The following CNTNAP2 variants were observed in gnomAD, a reference collection of about 807,000 sequenced individuals.
The protein encoded by CNTNAP2 is contactin-associated protein-like 2.
A neutral mutation model predicts 155.2 loss-of-function variants in CNTNAP2; 98 were observed. That is an observed-to-expected ratio of 0.63 (90% CI 0.54 to 0.75). CNTNAP2 has a LOEUF of 0.75. Ranked by LOEUF, CNTNAP2 falls within the 30% of genes least tolerant of loss-of-function variation. The pLI, the probability that CNTNAP2 is intolerant of heterozygous loss-of-function variation, is 0.00. For synonymous variants in CNTNAP2, 651 were observed against 631.2 expected (o/e 1.03, Z -0.47); for missense variants, 1,727 against 1,688.1 (o/e 1.02, Z -0.40).
At chr7:148,175,858 C>A (rs1794925269) in intron 18 of CNTNAP2, among the ~76,000 whole-genome samples, 1 of 152,116 alleles carries the variant, frequency 6.6e-6, no homozygotes, top group Admixed American at 6.5e-5. Context: ...TCCTTATCAT[C>A]CTCCTCTTCT....
chr7:147,632,155 A>G (rs1467147393), intron 12 of CNTNAP2, among the ~76,000 whole-genome samples: 1 of 152,218 alleles, frequency 6.6e-6, no homozygotes, highest in African/African-American at 2.4e-5. Context: ...CCCATCAAAA[A>G]GTGGGAAAAG....
At chr7:146,374,853 CTAAG>C (rs912842651) in intron 1 of CNTNAP2, among the ~76,000 whole-genome samples, 11 of 152,080 alleles carry the variant, frequency 7.2e-5, no homozygotes, top group African/African-American at 2.4e-4. Flanking sequence ...GAATTTACAA[CTAAG>C]TAAGTGAATG....
At chr7:147,306,304 A>G (rs1795024905) in intron 9 of CNTNAP2, among the ~76,000 whole-genome samples, 1 of 152,230 alleles carries the variant, frequency 6.6e-6, no homozygotes, top group South Asian at 2.1e-4. Flanking sequence ...TCAAACACAT[A>G]CTTTGAGAAA....
chr7:146,960,176 A>G (rs1797527293), intron 3 of CNTNAP2, among the ~76,000 whole-genome samples: 1 of 152,196 alleles, frequency 6.6e-6, no homozygotes, highest in South Asian at 2.1e-4. Context: ...GGGGAAAAAA[A>G]TAAGTTTCTT....
chr7:147,436,072 T>C (rs1313725548), intron 10 of CNTNAP2, among the ~76,000 whole-genome samples: 2 of 152,176 alleles, frequency 1.3e-5, no homozygotes, highest in Non-Finnish European at 2.9e-5. Context: ...AGAGTAGTCA[T>C]GGGGCCCTCT....
intron 12 of CNTNAP2, chr7:147,638,786 T>C (rs1584872722): frequency 2.2e-6 from 1 of 461,662 alleles, no homozygotes. Flanking sequence ...AGTTGGGACA[T>C]AATGAGCCTG....
At chr7:148,166,430 G>T (rs1335911584) in intron 17 of CNTNAP2, among the ~76,000 whole-genome samples, 1 of 151,972 alleles carries the variant, frequency 6.6e-6, no homozygotes, top group Non-Finnish European at 1.5e-5. Context: ...GTCTCTTTGG[G>T]CAAAAGTACT....
At chr7:146,590,893 T>C (rs201927538) in intron 1 of CNTNAP2, among the ~76,000 whole-genome samples, 2 of 152,354 alleles carry the variant, frequency 1.3e-5, no homozygotes, top group East Asian at 3.9e-4. Flanking sequence ...TCAGTTATCC[T>C]GGACACATTG....
At position 146,710,996 on chromosome 7, in the gene CNTNAP2, C is replaced by A. The variant is rs185637807; in HGVS notation, c.98-63275C>A. Among the ~76,000 whole-genome samples the A allele has an allele frequency of 3.2e-4, 48 of 152,004 alleles. No individual in the cohort carries two copies. The East Asian group carries it at 9.2e-3, about 29-fold the overall frequency. ...TCACTGGGTTTGATTGCTTACTAAT[C>A]CTTCACTTAACCTGGAACCTCCTTG... On this transcript the variant is annotated intron_variant, in intron 1 of 23. Coordinates refer to ENST00000361727, the MANE Select transcript of CNTNAP2 (RefSeq NM_014141.6).
chr7:148,195,041 A>G (rs1795254631), intron 18 of CNTNAP2, among the ~76,000 whole-genome samples: 1 of 152,218 alleles, frequency 6.6e-6, no homozygotes, highest in East Asian at 1.9e-4. Context: ...GTCAACACCC[A>G]AATGATTGTC....
At chr7:147,411,969 ATATATTT>A (rs1250830913) in intron 10 of CNTNAP2, among the ~76,000 whole-genome samples, 2 of 152,192 alleles carry the variant, frequency 1.3e-5, no homozygotes, top group East Asian at 3.8e-4. Context: ...TATTCAAACC[ATATATTT>A]TATATTTTTC....
At chr7:146,132,636 A>C (rs1048942434) in intron 1 of CNTNAP2, among the ~76,000 whole-genome samples, 12 of 144,796 alleles carry the variant, frequency 8.3e-5, no homozygotes, top group Non-Finnish European at 1.6e-4. Flanking sequence ...TCATTGTTCA[A>C]TTCCCACCTA....
intron 1 of CNTNAP2, among the ~76,000 whole-genome samples, chr7:146,361,943 T>A (rs1228081261): frequency 6.6e-6 from 1 of 152,202 alleles, no homozygotes; most frequent in African/African-American, 2.4e-5. Context: ...AGACTATTAG[T>A]GGTACTCCAC....
At chr7:148,023,212 C>G (rs1051407172) in intron 15 of CNTNAP2, among the ~76,000 whole-genome samples, 1 of 152,186 alleles carries the variant, frequency 6.6e-6, no homozygotes, top group African/African-American at 2.4e-5. Flanking sequence ...ACAAATGTCT[C>G]TTGAGCGATG....
At chr7:147,315,168 G>C (rs1001328852) in intron 9 of CNTNAP2, among the ~76,000 whole-genome samples, 1 of 148,090 alleles carries the variant, frequency 6.8e-6, no homozygotes, top group South Asian at 2.1e-4. Context: ...TGATTCAGTA[G>C]GTATGAGGTT....
At chr7:146,801,509 C>T (rs1354362007) in intron 2 of CNTNAP2, among the ~76,000 whole-genome samples, 2 of 152,116 alleles carry the variant, frequency 1.3e-5, no homozygotes, top group Non-Finnish European at 1.5e-5. Context: ...TTTATTCAGG[C>T]ATAAAAAGTT....
At chr7:146,696,744 T>A (rs1345415942) in intron 1 of CNTNAP2, among the ~76,000 whole-genome samples, 4 of 152,314 alleles carry the variant, frequency 2.6e-5, no homozygotes, top group African/African-American at 7.2e-5. Flanking sequence ...AAACTATTTT[T>A]ATTTTTTCTT....
intron 13 of CNTNAP2, among the ~76,000 whole-genome samples, chr7:147,832,809 A>T (rs1798574016): frequency 7.1e-6 from 1 of 140,530 alleles, no homozygotes; most frequent in Non-Finnish European, 1.5e-5. Flanking sequence ...TAATTTAATT[A>T]TATATAGTTA....
chr7:147,263,055 A>G (rs1804527700), intron 8 of CNTNAP2, among the ~76,000 whole-genome samples: 1 of 152,204 alleles, frequency 6.6e-6, no homozygotes, highest in African/African-American at 2.4e-5. Context: ...CATGGGAACA[A>G]GACTTAGTTG....
Sources: gnomAD v4.1 joint callset for allele counts (sites outside exome capture counted in the v4.1 genomes callset) on GRCh38, gnomAD v4.1.1 for gene constraint, MANE v1.5 for transcripts, NCBI Gene and HGNC (gene_info 2026-07-23, HGNC 2026-07-21) for gene names.